EIF4EBP1: variants seen among roughly 807,000 people sequenced by gnomAD.
EIF4EBP1 encodes eukaryotic translation initiation factor 4E-binding protein 1.
In EIF4EBP1, 5 loss-of-function variants were observed where a neutral mutation model predicts 9.2. The ratio of observed to expected loss-of-function variants is 0.54; its 90% confidence interval spans 0.28 to 1.14. The LOEUF is 1.14. EIF4EBP1 is among the 50% of genes most tolerant of loss of function. The pLI is 0.09. For missense variants in EIF4EBP1, 139 were observed against 169.6 expected (o/e 0.82, Z 1.00); for synonymous variants, 62 against 67.0 (o/e 0.93, Z 0.36).
rs1809656420 is a variant in EIF4EBP1, at chr8:38,060,183, C to G, written c.*248C>G. ...AAGGGGAGTGACCCCTGCCAGCACA[C>G]CCTGCAGCCAAGGGCCAGGAAGTGG... On this transcript the variant is annotated 3_prime_UTR_variant, in exon 3 of 3. Coordinates refer to ENST00000338825, the MANE Select transcript of EIF4EBP1 (RefSeq NM_004095.4). 1 of 584,418 alleles carries G rather than the reference C, an allele frequency of 1.7e-6. No individual in the cohort carries two copies. The highest frequency in any genetic ancestry group is 1.9e-5 in the African/African-American group (1 of 53,476). 36.2% of individuals were successfully genotyped at this position (584,418 alleles called of 1,614,324 possible). A position where few individuals can be genotyped will look rare whatever the true frequency, so the allele number is the denominator to read the frequency against.
intron 1 of EIF4EBP1, among the ~76,000 whole-genome samples, chr8:38,053,847 A>G (rs1809556661): frequency 6.6e-6 from 1 of 152,208 alleles, no homozygotes; most frequent in Non-Finnish European, 1.5e-5. Flanking sequence ...TACCTAGAGT[A>G]GTCAAATTCA....
At chr8:38,058,904 C>G (rs1381301538) in intron 2 of EIF4EBP1, among the ~76,000 whole-genome samples, 1 of 152,052 alleles carries the variant, frequency 6.6e-6, no homozygotes. Context: ...GGCAACAATG[C>G]AAGACCCCAT....
intron 1 of EIF4EBP1, among the ~76,000 whole-genome samples, chr8:38,045,905 AT>A (rs551465174): frequency 0.034 from 5,010 of 148,340 alleles, 123 homozygotes; most frequent in Admixed American, 0.08. Context: ...CACCTGACTA[AT>A]TTTTTTTTTG....
In EIF4EBP1 at chr8:38,059,888, T is replaced by TC. The variant is rs749895192; in HGVS notation, c.326-12dup. ...CACCCATTGTTGACCTGGCCCTCTGTCCCCTCTCTCCCCAGGTGAAGAGTC... is the reference window on the plus strand; with the variant it reads ...CACCCATTGTTGACCTGGCCCTCTGTCCCCCTCTCTCCCCAGGTGAAGAGTC... On this transcript the variant is annotated splice_polypyrimidine_tract_variant and intron_variant, in intron 2 of 2. Transcript: ENST00000338825. 3 of 1,613,802 alleles carry TC rather than the reference T, an allele frequency of 1.9e-6. No individual in the cohort carries two copies. Among genetic ancestry groups the TC allele is most frequent in the Non-Finnish European group, 8.5e-7 (1 of 1,179,694 alleles).
intron 2 of EIF4EBP1, among the ~76,000 whole-genome samples, chr8:38,058,112 C>T (rs1809621935): frequency 6.6e-6 from 1 of 152,184 alleles, no homozygotes; most frequent in Non-Finnish European, 1.5e-5. Context: ...TCATAATTAC[C>T]TTGGGAACCT....
chr8:38,035,822 G>T (rs1809292956), intron 1 of EIF4EBP1, among the ~76,000 whole-genome samples: 1 of 151,926 alleles, frequency 6.6e-6, no homozygotes. Context: ...CAATTCTCCT[G>T]CCTCAGCCTC....
chr8:38,030,779 C>T, intron 1 of EIF4EBP1, 61 bp downstream of exon 1: 1 of 1,372,198 alleles, frequency 7.3e-7, no homozygotes, highest in African/African-American at 1.5e-5. Context: ...GATCGGGAAT[C>T]GCGGATTGGA....
At chr8:38,031,554 C>G (rs904073133) in intron 1 of EIF4EBP1, among the ~76,000 whole-genome samples, 30 of 152,192 alleles carry the variant, frequency 2.0e-4, no homozygotes, top group Non-Finnish European at 1.3e-4. Context: ...CTCCTCCCCT[C>G]TCATTGTCGC....
chr8:38,060,059 C>A lies in EIF4EBP1; in HGVS notation c.*124C>A. 2.1e-6 allele frequency: 2 copies of A among 948,504 alleles called. No individual in the cohort carries two copies. Among genetic ancestry groups the A allele is most frequent in the Non-Finnish European group, 3.4e-6 (2 of 585,850 alleles). The allele number at this position is 948,504 out of a possible 1,614,324, so 58.8% of individuals were successfully genotyped here. On this transcript the variant is annotated 3_prime_UTR_variant, in exon 3 of 3. Coordinates refer to ENST00000338825, the MANE Select transcript of EIF4EBP1 (RefSeq NM_004095.4). ...AGGCGTTGGCGTGGGGTCGGACACC[C>A]CAGCCCTTTCTCCCTCACTCAGGGC...
chr8:38,038,914 CT>C (rs1225729715), intron 1 of EIF4EBP1, among the ~76,000 whole-genome samples: 3,420 of 138,068 alleles, frequency 0.025, 77 homozygotes, highest in African/African-American at 0.066. Context: ...AAATTTCTTT[CT>C]TTTTTTTTTT....
At chr8:38,033,347 CG>C (rs1288629320) in intron 1 of EIF4EBP1, among the ~76,000 whole-genome samples, 5 of 151,942 alleles carry the variant, frequency 3.3e-5, no homozygotes, top group African/African-American at 9.7e-5. Context: ...GGATTACAGG[CG>C]TGAGTCACCA....
chr8:38,046,866 CTTGAACTCT>C (rs1214307816), intron 1 of EIF4EBP1, among the ~76,000 whole-genome samples: 12 of 152,182 alleles, frequency 7.9e-5, no homozygotes, highest in Admixed American at 5.2e-4. Context: ...AAGACCGAAC[CTTGAACTCT>C]ACCCCCAGCA....
chr8:38,049,126 A>G (rs946617965), intron 1 of EIF4EBP1, among the ~76,000 whole-genome samples: 13 of 141,960 alleles, frequency 9.2e-5, no homozygotes, highest in Non-Finnish European at 1.8e-4. Flanking sequence ...ACTCCGTCTC[A>G]AAAAAAAAAA....
intron 1 of EIF4EBP1, among the ~76,000 whole-genome samples, chr8:38,032,095 G>A (rs1439848309): frequency 2.0e-5 from 3 of 152,226 alleles, no homozygotes; most frequent in Non-Finnish European, 4.4e-5. Flanking sequence ...TCAAATGAGG[G>A]TGTAAGTGTC....
chr8:38,038,456 C>T (rs1190193655), intron 1 of EIF4EBP1, among the ~76,000 whole-genome samples: 5 of 143,534 alleles, frequency 3.5e-5, no homozygotes, highest in East Asian at 2.2e-4. Flanking sequence ...TGCAGTGAGC[C>T]GAGATCACGC....
intron 1 of EIF4EBP1, among the ~76,000 whole-genome samples, chr8:38,033,018 T>TG (rs1809245535): frequency 6.8e-6 from 1 of 146,550 alleles, no homozygotes; most frequent in African/African-American, 2.5e-5. Context: ...ATTCTGTAGG[T>TG]GGGGGTGGGA....
At chr8:38,046,337 A>T (rs535126445) in intron 1 of EIF4EBP1, among the ~76,000 whole-genome samples, 7 of 152,314 alleles carry the variant, frequency 4.6e-5, no homozygotes, top group African/African-American at 1.4e-4. Flanking sequence ...TTGAAAAAAA[A>T]ATATCATTCC....
At position 38,050,812 on chromosome 8, in the gene EIF4EBP1, A is replaced by G. The variant is rs1352470491; in HGVS notation, c.146-6269A>G. The stretch of plus-strand genomic sequence containing the variant: ...GTTTTTATTTAAGGGTGGGGAACTC[A>G]GGAGCTGACCAGGAGTCCCTTGTGT... On this transcript the variant is annotated intron_variant, in intron 1 of 2. Transcript: ENST00000338825. 2.6e-5 allele frequency among the ~76,000 whole-genome samples: 4 copies of G among 152,208 alleles called. No individual in the cohort carries two copies. The East Asian group carries it at 7.7e-4, about 29-fold the overall frequency.
chr8:38,034,562 A>G lies in EIF4EBP1; in HGVS notation c.145+3844A>G, dbSNP rs573723116. 3.9e-5 allele frequency among the ~76,000 whole-genome samples: 6 copies of G among 152,262 alleles called. No homozygotes were observed. The South Asian group carries it at 1.0e-3, about 26-fold the overall frequency. On this transcript the variant is annotated intron_variant, in intron 1 of 2. Coordinates refer to ENST00000338825, the MANE Select transcript of EIF4EBP1 (RefSeq NM_004095.4). ...GTCAGAAAGAAACTTTCCCTCATCA[A>G]TCTCCACATTCCCAGCTCCGTGTTG...
Sources: gnomAD v4.1 joint callset for allele counts (sites outside exome capture counted in the v4.1 genomes callset) on GRCh38, gnomAD v4.1.1 for gene constraint, MANE v1.5 for transcripts, NCBI Gene and HGNC (gene_info 2026-07-23, HGNC 2026-07-21) for gene names.